The following CIT variants were observed in gnomAD, a reference collection of about 807,000 sequenced individuals.
CIT encodes the protein citron Rho-interacting kinase.
A neutral mutation model predicts 272.7 loss-of-function variants in CIT; 79 were observed. That is an observed-to-expected ratio of 0.29 (90% confidence interval 0.24 to 0.35). The LOEUF (loss-of-function observed/expected upper bound fraction) is 0.35, where lower values mean the gene tolerates loss of function less well. Among genes scored for constraint, CIT ranks in the 10% least tolerant of loss-of-function variants. The probability of loss-of-function intolerance (pLI) is 1.00; values close to 1 mark genes in which losing one functional copy is unlikely to be tolerated. For missense variants in CIT, 1,909 were observed against 2,618.3 expected, an observed-to-expected ratio of 0.73 and a Z score of 5.91; for synonymous variants, 948 against 995.6, an observed-to-expected ratio of 0.95 and a Z score of 0.90.
At chr12:119,737,990 G>A (rs956623460) in intron 24 of CIT, among the ~76,000 whole-genome samples, 5 of 152,094 alleles carry the variant, frequency 3.3e-5, no homozygotes, top group Non-Finnish European at 7.4e-5. Context: ...GGTCTTCGTG[G>A]ATTTTTTAAA....
At position 119,776,410 on chromosome 12, in the gene CIT, T is replaced by C. The variant is rs1190498305; in HGVS notation, c.1837-2A>G. On this transcript the variant is annotated splice_acceptor_variant, in intron 14 of 47. Coordinates refer to ENST00000392521, the MANE Select transcript of CIT (RefSeq NM_001206999.2). LOFTEE classifies it high-confidence loss of function. ...TTCAGGCTTCCCTTGATCCTTAGCC[T>C]GTAATTAAAAAGACACAACATATTG... The C allele has an allele frequency of 6.2e-7, 1 of 1,612,818 alleles. No homozygotes were observed.
rs762885010 is a variant in CIT, at chr12:119,701,609, G to A, written c.5542+15C>T. The A allele has an allele frequency of 3.1e-5, 50 of 1,611,248 alleles. No individual in the cohort carries two copies. The highest frequency in any genetic ancestry group is 8.9e-5 in the East Asian group (4 of 44,812). On this transcript the variant is annotated intron_variant, in intron 43 of 47. Coordinates refer to ENST00000392521, the MANE Select transcript of CIT (RefSeq NM_001206999.2). ...ATGAGGACCCAAAAGGGCAGTGGGC[G>A]CAGCCACGACTCACCGTGGAAACAC...
Position 119,694,807 on chromosome 12 carries a change from A to T in CIT, c.5882+2852T>A, listed in dbSNP as rs1363115020. Among the ~76,000 whole-genome samples, 2 of 151,704 alleles carry T rather than the reference A, an allele frequency of 1.3e-5. No individual in the cohort carries two copies. The highest frequency in any genetic ancestry group is 2.9e-5 in the Non-Finnish European group (2 of 67,846). On this transcript the variant is annotated intron_variant, in intron 46 of 47. Coordinates refer to ENST00000392521, the MANE Select transcript of CIT (RefSeq NM_001206999.2). This position sits in a 1 kb window ranked among gnomAD's most constrained non-coding sequence, Gnocchi z 4.5. ...GGGCACAGAGTGAGACCCTACCTCGAAAAAAAATAAATAAATAAAAATAAA... is the reference window on the plus strand; with the variant it reads ...GGGCACAGAGTGAGACCCTACCTCGTAAAAAAATAAATAAATAAAAATAAA...
intron 24 of CIT, 83 bp from the exon 25 acceptor site, chr12:119,735,440 AC>A: frequency 7.3e-7 from 1 of 1,363,282 alleles, no homozygotes; most frequent in Non-Finnish European, 1.0e-6. Context: ...GGATTTCTGA[AC>A]CCACGTGACA....
intron 8 of CIT, among the ~76,000 whole-genome samples, chr12:119,823,568 T>G (rs1255591094): frequency 2.0e-5 from 3 of 152,188 alleles, no homozygotes; most frequent in Non-Finnish European, 4.4e-5. Flanking sequence ...AAGAGTCATC[T>G]AAGGGGAAAT....
chr12:119,697,909 C>G lies in CIT; in HGVS notation c.5702+67G>C, dbSNP rs1348029103. The G allele has an allele frequency of 6.2e-7, 1 of 1,612,900 alleles. No homozygotes were observed. Among genetic ancestry groups the G allele is most frequent in the African/African-American group, 1.3e-5 (1 of 74,902 alleles). ...CATTGCTAGGCAAGTTAGGAAGGAACATGCGGCCGGCCCCAACACCTACCC... is the reference window on the plus strand; with the variant it reads ...CATTGCTAGGCAAGTTAGGAAGGAAGATGCGGCCGGCCCCAACACCTACCC... On this transcript the variant is annotated intron_variant, in intron 45 of 47. Coordinates refer to ENST00000392521, the MANE Select transcript of CIT (RefSeq NM_001206999.2). This position sits in a 1 kb window ranked among gnomAD's most constrained non-coding sequence, Gnocchi z 4.9.
chr12:119,794,381 T>C (rs1231053870), intron 10 of CIT, among the ~76,000 whole-genome samples: 3 of 152,188 alleles, frequency 2.0e-5, no homozygotes, highest in African/African-American at 4.8e-5. Flanking sequence ...GAATCCAAAA[T>C]GAGAAGTGTG....
intron 10 of CIT, among the ~76,000 whole-genome samples, chr12:119,793,916 G>T (rs1308629153): frequency 6.6e-6 from 1 of 152,126 alleles, no homozygotes; most frequent in Non-Finnish European, 1.5e-5. Context: ...ATGAAGACAG[G>T]GATTTTTGTC....
In CIT at chr12:119,726,385, A is replaced by ATTTTTTT. The variant is rs3999547; in HGVS notation, c.3591+2110_3591+2116dup. Among the ~76,000 whole-genome samples the ATTTTTTT allele has an allele frequency of 3.0e-4, 30 of 101,444 alleles. 7 individuals carry two copies. The highest frequency in any genetic ancestry group is 5.5e-4 in the Admixed American group (5 of 9,030). The allele number at this position is 101,444 out of a possible 152,430, so 66.6% of individuals were successfully genotyped here. A position where few individuals can be genotyped will look rare whatever the true frequency, so the allele number is the denominator to read the frequency against. Reference sequence around the variant, plus strand: ...AACTGCACACCACCACACTTGGCTAATTTTTTTTTTTTTTTTTTTTTTTTT... The same window carrying ATTTTTTT: ...AACTGCACACCACCACACTTGGCTAATTTTTTTTTTTTTTTTTTTTTTTTTTTTTTTT... On this transcript the variant is annotated intron_variant, in intron 28 of 47. Transcript: ENST00000392521.
intron 13 of CIT, 159 bp downstream of exon 13, chr12:119,782,359 G>A (rs1964374569): frequency 4.3e-6 from 3 of 693,940 alleles, no homozygotes; most frequent in Non-Finnish European, 7.1e-6. Flanking sequence ...TGAGAAATCT[G>A]AAGTTTCTGA....
chr12:119,829,677 T>C (rs192465346), intron 7 of CIT, among the ~76,000 whole-genome samples: 312 of 152,324 alleles, frequency 2.0e-3, no homozygotes, highest in African/African-American at 6.9e-3. Flanking sequence ...ATGAGACAGA[T>C]TGGAACTCAG....
rs117342872 is a variant in CIT, at chr12:119,814,503, C to T, written c.1111+8317G>A. ...ATCCCATCCCTCTTGCTCCCCTTCC[C>T]GTCCATGCTGATACTCCAAACAGAC... is the stretch of plus-strand genomic sequence containing the variant. On this transcript the variant is annotated intron_variant, in intron 9 of 47. Coordinates refer to ENST00000392521, the MANE Select transcript of CIT (RefSeq NM_001206999.2). 4.9e-4 allele frequency among the ~76,000 whole-genome samples: 74 copies of T among 152,210 alleles called. No individual in the cohort carries two copies. The East Asian group carries it at 0.011, about 23-fold the overall frequency.
chr12:119,689,664 C>CTAT (rs1565887334), intron 47 of CIT, among the ~76,000 whole-genome samples: 2 of 102,062 alleles, frequency 2.0e-5, no homozygotes, highest in Non-Finnish European at 4.0e-5. Flanking sequence ...GCTTAGGAAG[C>CTAT]TCTTTTTTTT....
intron 41 of CIT, among the ~76,000 whole-genome samples, chr12:119,702,418 G>T (rs561494999): frequency 6.6e-6 from 1 of 152,284 alleles, no homozygotes; most frequent in South Asian, 2.1e-4. Context: ...GGGCGCAGTA[G>T]CTTACATCTG....
chr12:119,804,540 CT>C lies in CIT; in HGVS notation c.1112-1152del. 5 of 965,652 alleles carry C rather than the reference CT, an allele frequency of 5.2e-6. No individual in the cohort carries two copies. The highest frequency in any genetic ancestry group is 6.2e-6 in the Non-Finnish European group (5 of 811,786). The allele number at this position is 965,652 out of a possible 1,614,324, so 59.8% of individuals were successfully genotyped here. On this transcript the variant is annotated intron_variant, in intron 9 of 47. Coordinates refer to ENST00000392521, the MANE Select transcript of CIT (RefSeq NM_001206999.2). This position sits in a 1 kb window ranked among gnomAD's most constrained non-coding sequence, Gnocchi z 5.3. The stretch of plus-strand genomic sequence containing the variant: ...CCGCCAGGGCTCGCTAGAGCTCCCC[CT>C]AGGACAGTTGTCACAGCCCTTCACA...
Position 119,869,129 on chromosome 12 carries a change from CAAAGAGGGCATCTAATATCCCTTCTCGGG to C in CIT, c.140_168del (p.Ser47CysfsTer4). 2 of 1,613,356 alleles carry C rather than the reference CAAAGAGGGCATCTAATATCCCTTCTCGGG, an allele frequency of 1.2e-6. No individual in the cohort carries two copies. Among genetic ancestry groups the C allele is most frequent in the South Asian group, 1.1e-5 (1 of 90,892 alleles). On this transcript the variant is annotated frameshift_variant, in exon 3 of 48. Transcript: ENST00000392521. LOFTEE classifies it high-confidence loss of function. The stretch of plus-strand genomic sequence containing the variant: ...GGCTGACTGCATTCTTCAAAGAGAA[CAAAGAGGGCATCTAATATCCCTTCTCGGG>C]AAAGAGGAGACATCTGCTGTTGAGT...
intron 10 of CIT, among the ~76,000 whole-genome samples, chr12:119,802,785 A>G (rs1354060162): frequency 6.6e-6 from 1 of 152,174 alleles, no homozygotes; most frequent in Non-Finnish European, 1.5e-5. Context: ...GATTCTTTAT[A>G]CAGCCAAGAT....
intron 4 of CIT, among the ~76,000 whole-genome samples, chr12:119,852,656 T>G (rs962249341): frequency 1.3e-5 from 2 of 151,256 alleles, no homozygotes; most frequent in Admixed American, 1.3e-4. Flanking sequence ...AGCTGAGATC[T>G]CGCCACTGCA....
intron 3 of CIT, among the ~76,000 whole-genome samples, chr12:119,866,780 C>G (rs1950527406): frequency 6.6e-6 from 1 of 152,090 alleles, no homozygotes; most frequent in Non-Finnish European, 1.5e-5. Flanking sequence ...GATTGTGCTG[C>G]TGCACTCCAG....
Sources: allele counts gnomAD v4.1 joint callset (sites outside exome capture counted in the v4.1 genomes callset), GRCh38; gene constraint gnomAD v4.1.1; non-coding constraint Gnocchi (gnomAD v3.1); transcripts MANE v1.5; gene names NCBI Gene and HGNC (gene_info 2026-07-23, HGNC 2026-07-21).